Variants in CLUAP1 observed in about 807,000 individuals in gnomAD.
CLUAP1 encodes the protein intraflagellar transport 38.
In CLUAP1, 50 loss-of-function variants were observed where a neutral mutation model predicts 55.0. The observed-to-expected ratio is 0.91, with a 90% CI of 0.72 to 1.15. CLUAP1 has a LOEUF of 1.15. Ranked by LOEUF, CLUAP1 falls within the 50% of genes most tolerant of loss-of-function variation. The pLI is 0.00. For missense variants in CLUAP1, 530 were observed against 507.6 expected (o/e 1.04, Z -0.42); for synonymous variants, 195 against 175.4 (o/e 1.11, Z -0.88).
intron 9 of CLUAP1, among the ~76,000 whole-genome samples, chr16:3,529,570 A>G (rs1393924636): frequency 2.1e-5 from 1 of 48,094 alleles, no homozygotes; most frequent in Non-Finnish European, 3.4e-5. Flanking sequence ...ATTATATATT[A>G]TATATTATAT....
chr16:3,500,982 G>A (rs897983718), upstream of CLUAP1: 3 of 1,405,208 alleles, frequency 2.1e-6, no homozygotes, highest in Non-Finnish European at 2.9e-6. Context: ...GGGTCCATTG[G>A]TTGCCATAGA....
intron 2 of CLUAP1, 136 bp from the exon 3 acceptor site, chr16:3,506,195 C>T: frequency 1.5e-6 from 1 of 686,788 alleles, no homozygotes. Flanking sequence ...TGAAGTTTGC[C>T]TTGATCTCAC....
At chr16:3,533,738 G>A (rs1484466165) in intron 11 of CLUAP1, 1 of 154,528 alleles carries the variant, frequency 6.5e-6, no homozygotes, top group East Asian at 1.9e-4. Context: ...CATGTGCCCT[G>A]AATTTACAGG....
At chr16:3,500,433 G>A (rs2037367970), upstream of CLUAP1, among the ~76,000 whole-genome samples, 1 of 149,860 alleles carries the variant, frequency 6.7e-6, no homozygotes, top group Non-Finnish European at 1.5e-5. Flanking sequence ...GCAGTGGCGC[G>A]ATCTCGGCTC....
intron 5 of CLUAP1, among the ~76,000 whole-genome samples, chr16:3,512,842 G>T (rs374858202): frequency 2.6e-5 from 4 of 152,136 alleles, no homozygotes; most frequent in South Asian, 4.1e-4. Context: ...CACCACACCC[G>T]GCTAATTTTT....
intron 10 of CLUAP1, among the ~76,000 whole-genome samples, chr16:3,532,383 TA>T (rs2038139513): frequency 6.6e-6 from 1 of 150,912 alleles, no homozygotes; most frequent in African/African-American, 2.4e-5. Flanking sequence ...TACCACCTGT[TA>T]ATGTTTGGAG....
chr16:3,515,442 C>G (rs1349676681), intron 5 of CLUAP1, 66 bp from the exon 6 acceptor site: 2 of 1,155,484 alleles, frequency 1.7e-6, no homozygotes, highest in Non-Finnish European at 2.5e-6. Context: ...ACATCTAGAT[C>G]TAGGAATACT....
chr16:3,523,242 G>C lies in CLUAP1; in HGVS notation c.798G>C (p.Leu266=), dbSNP rs1035714055. 2.5e-6 allele frequency: 4 copies of C among 1,613,784 alleles called. No homozygotes were observed. In the African/African-American group the frequency reaches 5.3e-5, roughly 22 times the overall value. ...CTTATCTGGAGAAATTTCAAAATCTGACTTATCTGGAACAACAGCTTGAAG... is the reference window on the plus strand; with the variant it reads ...CTTATCTGGAGAAATTTCAAAATCTCACTTATCTGGAACAACAGCTTGAAG... ...YDTYLEKFQN[L]TYLEQQLEDH... Residue 266 remains leucine, a synonymous_variant, in exon 8 of 12, where the codon CTG becomes CTC. Transcript: ENST00000576634.
upstream of CLUAP1, chr16:3,496,355 T>C (rs1167545297): frequency 8.3e-7 from 1 of 1,209,064 alleles, no homozygotes; most frequent in East Asian, 3.0e-5. Context: ...GCTGAAGAGG[T>C]TGTTTATGAG....
At chr16:3,504,940 A>G (rs2151041294) in intron 2 of CLUAP1, 109 bp downstream of exon 2, 1 of 722,202 alleles carries the variant, frequency 1.4e-6, no homozygotes, top group East Asian at 2.6e-5. Context: ...AGTTTTTGGA[A>G]TTTGACAGAC....
In CLUAP1 at chr16:3,536,371, C is replaced by A; in HGVS notation, c.*100C>A. The A allele has an allele frequency of 1.6e-6, 2 of 1,275,750 alleles. No homozygotes were observed. Among genetic ancestry groups the A allele is most frequent in the Admixed American group, 2.3e-5 (1 of 43,804 alleles). 79.0% of individuals were successfully genotyped at this position (1,275,750 alleles called of 1,614,324 possible). Reference sequence around the variant, plus strand: ...GGTAACCCCTGTTTTGTTTACTAAGCTGGCTGGACTCATGATCACTGAAGC... The same window carrying A: ...GGTAACCCCTGTTTTGTTTACTAAGATGGCTGGACTCATGATCACTGAAGC... On this transcript the variant is annotated 3_prime_UTR_variant, in exon 12 of 12. Coordinates refer to ENST00000576634, the MANE Select transcript of CLUAP1 (RefSeq NM_015041.3).
chr16:3,523,648 T>G (rs1207130094), intron 8 of CLUAP1, among the ~76,000 whole-genome samples: 1 of 152,246 alleles, frequency 6.6e-6, no homozygotes, highest in Non-Finnish European at 1.5e-5. Context: ...AATTTTTAAG[T>G]GCATTTTATT....
intron 8 of CLUAP1, among the ~76,000 whole-genome samples, chr16:3,524,085 G>T (rs114585963): frequency 0.019 from 2,838 of 151,354 alleles, 75 homozygotes; most frequent in African/African-American, 0.053. Flanking sequence ...GATCACTGGA[G>T]CCCAGGAGTC....
At chr16:3,519,124 G>A (rs1040481839) in intron 6 of CLUAP1, among the ~76,000 whole-genome samples, 10 of 152,204 alleles carry the variant, frequency 6.6e-5, no homozygotes, top group Non-Finnish European at 1.0e-4. Flanking sequence ...TGAAGACGGC[G>A]CACTACCAGT....
At position 3,529,764 on chromosome 16, in the gene CLUAP1, A is replaced by T. The variant is rs2038064253; in HGVS notation, c.929-804A>T. Among the ~76,000 whole-genome samples the T allele has an allele frequency of 7.0e-5, 4 of 57,122 alleles. No homozygotes were observed. In the Admixed American group the frequency reaches 1.0e-3, roughly 14 times the overall value. 37.5% of individuals were successfully genotyped at this position (57,122 alleles called of 152,430 possible). On this transcript the variant is annotated intron_variant, in intron 9 of 11. Coordinates refer to ENST00000576634, the MANE Select transcript of CLUAP1 (RefSeq NM_015041.3). ...ATATATTATATATTATATAATATAT[A>T]TTATATTATTATATATTATATAATA...
rs776985970 is a variant in CLUAP1, at chr16:3,536,200, C to G, written c.1171C>G (p.Leu391Val). 1.9e-6 allele frequency: 3 copies of G among 1,614,144 alleles called. No homozygotes were observed. The East Asian group carries it at 6.7e-5, about 36-fold the overall frequency. The change falls in exon 12 of 12, where the codon CTC (leucine) becomes GTC (valine). Residue 391 changes from leucine to valine, a missense_variant. By Grantham distance (32) the Leu-to-Val change is conservative. Transcript: ENST00000576634. ...CGATTTGGAAGACGAGAGCATTTCT[C>G]TCTCACCAACCAAGCCCAATCGAAG... ...DDDLEDESISLSPTKPNRRVR... is the reference protein window; with the variant it reads ...DDDLEDESISVSPTKPNRRVR...
intron 1 of CLUAP1, among the ~76,000 whole-genome samples, chr16:3,502,798 C>T (rs118127906): frequency 6.6e-6 from 1 of 152,108 alleles, no homozygotes; most frequent in African/African-American, 2.4e-5. Context: ...AGCGCACACA[C>T]GGAGATTTCG....
intron 3 of CLUAP1, 119 bp from the exon 4 acceptor site, chr16:3,508,170 T>G (rs2037545698): frequency 1.2e-6 from 1 of 821,784 alleles, no homozygotes; most frequent in African/African-American, 1.8e-5. Flanking sequence ...AATGCTTTGC[T>G]TTTATTAGGT....
At chr16:3,499,208 G>C (rs891788271), upstream of CLUAP1, among the ~76,000 whole-genome samples, 1 of 152,256 alleles carries the variant, frequency 6.6e-6, no homozygotes, top group South Asian at 2.1e-4. Context: ...AGCTGGGCGC[G>C]GTGGCGCGCG....
Sources: gnomAD v4.1 joint callset for allele counts (sites outside exome capture counted in the v4.1 genomes callset) on GRCh38, gnomAD v4.1.1 for gene constraint, MANE v1.5 for transcripts, NCBI Gene and HGNC (gene_info 2026-07-23, HGNC 2026-07-21) for gene names.